The following ATP13A3 variants were observed in gnomAD, a reference collection of about 807,000 sequenced individuals.
The protein encoded by ATP13A3 is polyamine-transporting ATPase 13A3.
ATP13A3 carries 59 observed loss-of-function variants against 158.1 expected under a neutral mutation model. The observed-to-expected ratio is 0.37, with a 90% CI of 0.30 to 0.46. The LOEUF (loss-of-function observed/expected upper bound fraction) is 0.46, where lower values mean the gene tolerates loss of function less well. Among genes scored for constraint, ATP13A3 ranks in the 20% least tolerant of loss-of-function variants. ATP13A3 has a pLI of 1.00. For missense variants in ATP13A3, 1,166 were observed against 1,525.2 expected (o/e 0.76, Z 3.92); for synonymous variants, 491 against 504.3 (o/e 0.97, Z 0.35).
intron 2 of ATP13A3, among the ~76,000 whole-genome samples, chr3:194,476,775 T>C (rs898446873): frequency 2.0e-5 from 3 of 149,148 alleles, no homozygotes; most frequent in African/African-American, 7.8e-5. Flanking sequence ...TGTTTTTTTT[T>C]TTTTTCAAAA....
chr3:194,476,483 A>C (rs1720528787), intron 2 of ATP13A3, among the ~76,000 whole-genome samples: 1 of 152,158 alleles, frequency 6.6e-6, no homozygotes, highest in South Asian at 2.1e-4. Context: ...AGTTGCCTAA[A>C]AAGCCAAGCC....
chr3:194,435,277 T>G lies in ATP13A3; in HGVS notation c.2121-1381A>C, dbSNP rs571717806. On this transcript the variant is annotated intron_variant, in intron 20 of 33. Transcript: ENST00000645319. Reference sequence around the variant, plus strand: ...CAAAGCTGTATCAATGTGAAGACAATGTGTCAAAAGCACTAAGCCGCTTTC... The same window carrying G: ...CAAAGCTGTATCAATGTGAAGACAAGGTGTCAAAAGCACTAAGCCGCTTTC... 1.2e-4 allele frequency among the ~76,000 whole-genome samples: 18 copies of G among 152,310 alleles called. 1 individual carries two copies. The highest frequency in any genetic ancestry group is 1.2e-3 in the Admixed American group (18 of 15,298).
intron 2 of ATP13A3, among the ~76,000 whole-genome samples, chr3:194,475,685 T>C (rs1445265958): frequency 6.6e-6 from 1 of 152,124 alleles, no homozygotes; most frequent in East Asian, 1.9e-4. Context: ...ATGACTGTCC[T>C]GTATGCCACT....
upstream of ATP13A3, among the ~76,000 whole-genome samples, chr3:194,490,460 T>C (rs1721134557): frequency 6.6e-6 from 1 of 152,212 alleles, no homozygotes; most frequent in Non-Finnish European, 1.5e-5. This position sits in a 1 kb window ranked among gnomAD's most constrained non-coding sequence, Gnocchi z 4.4. Flanking sequence ...GATAACATAC[T>C]CTATTTTGGA....
At chr3:194,478,043 C>G (rs1041808474) in intron 2 of ATP13A3, among the ~76,000 whole-genome samples, 26 of 152,310 alleles carry the variant, frequency 1.7e-4, no homozygotes, top group African/African-American at 6.3e-4. Flanking sequence ...CCCCAAACTA[C>G]TGCTTGACTA....
chr3:194,453,044 G>A (rs1374888881), intron 10 of ATP13A3: 2 of 152,100 alleles, frequency 1.3e-5, no homozygotes, highest in Non-Finnish European at 2.9e-5. Flanking sequence ...GAGGCAGAGT[G>A]GCTCAAGCCT....
intron 21 of ATP13A3, among the ~76,000 whole-genome samples, 170 bp downstream of exon 21, chr3:194,433,602 T>C (rs950273118): frequency 4.6e-5 from 7 of 152,214 alleles, no homozygotes; most frequent in Non-Finnish European, 1.0e-4. Context: ...TCAAAAAGAA[T>C]ATGACAAAGT....
At position 194,437,471 on chromosome 3, in the gene ATP13A3, C is replaced by T; in HGVS notation, c.1846-7G>A. 1 of 1,614,056 alleles carries T rather than the reference C, an allele frequency of 6.2e-7. No individual in the cohort carries two copies. The highest frequency in any genetic ancestry group is 8.5e-7 in the Non-Finnish European group (1 of 1,179,998). On this transcript the variant is annotated splice_polypyrimidine_tract_variant and splice_region_variant and intron_variant, in intron 18 of 33. Transcript: ENST00000645319. ...TTCCTATCTCATAAGTAGCCTATAT[C>T]ATTTCAAAAGAGGCACAAAGCACTT...
chr3:194,412,726 T>C (rs1479821471), intron 32 of ATP13A3: 4 of 175,262 alleles, frequency 2.3e-5, no homozygotes, highest in East Asian at 1.5e-4. Flanking sequence ...GATGAACTGA[T>C]ACTGTAGAAA....
chr3:194,449,044 TACAC>T (rs146993933), intron 11 of ATP13A3, among the ~76,000 whole-genome samples: 18,216 of 134,796 alleles, frequency 0.14, 1,362 homozygotes, highest in East Asian at 0.41. Context: ...GATCCACCCC[TACAC>T]ACACACACAC....
At chr3:194,478,167 A>G (rs1720605780) in intron 2 of ATP13A3, among the ~76,000 whole-genome samples, 1 of 152,140 alleles carries the variant, frequency 6.6e-6, no homozygotes, top group African/African-American at 2.4e-5. Context: ...GTTTATTGCC[A>G]ATTTGATTTC....
chr3:194,467,510 G>T (rs551499963), intron 2 of ATP13A3, among the ~76,000 whole-genome samples: 174 of 152,136 alleles, frequency 1.1e-3, no homozygotes, highest in African/African-American at 4.2e-3. Flanking sequence ...TTTTACCAAA[G>T]TGCTAAAAAT....
intron 16 of ATP13A3, 83 bp from the exon 17 acceptor site, chr3:194,439,055 T>A: frequency 1.2e-6 from 1 of 859,022 alleles, no homozygotes; most frequent in Non-Finnish European, 1.8e-6. Context: ...GGTTCCATTT[T>A]TAAATAGAAC....
intron 13 of ATP13A3, 117 bp downstream of exon 13, chr3:194,447,735 A>C (rs1206065458): frequency 1.1e-5 from 10 of 929,208 alleles, no homozygotes; most frequent in Non-Finnish European, 1.5e-5. Context: ...ATTAATTAAA[A>C]TTAAATTAGC....
intron 20 of ATP13A3, among the ~76,000 whole-genome samples, chr3:194,436,494 T>A (rs1028678364): frequency 6.6e-6 from 1 of 152,224 alleles, no homozygotes; most frequent in African/African-American, 2.4e-5. Flanking sequence ...TTACATTTAC[T>A]GTTCTTGGAA....
rs368317852 is a variant in ATP13A3 at position 194,454,239 on chromosome 3, A to G, written c.765+19T>C. On this transcript the variant is annotated intron_variant, in intron 9 of 33. Transcript: ENST00000645319. The stretch of plus-strand genomic sequence containing the variant: ...AAATACAAATACAGTTGTGAAACCC[A>G]TAATAAATTTGAACTTACCTTTCTA... 5 of 1,584,394 alleles carry G rather than the reference A, an allele frequency of 3.2e-6. No homozygotes were observed. The South Asian group carries it at 4.4e-5, about 14-fold the overall frequency.
At chr3:194,406,872 T>A (rs2108690636) in intron 33 of ATP13A3, among the ~76,000 whole-genome samples, 1 of 152,360 alleles carries the variant, frequency 6.6e-6, no homozygotes, top group African/African-American at 2.4e-5. Flanking sequence ...TACTGTTTTA[T>A]AATGATGGTT....
In ATP13A3 at chr3:194,405,377, T is replaced by G. The variant is rs866219239; in HGVS notation, c.*542A>C. 6.5e-6 allele frequency: 1 copy of G among 153,726 alleles called. No individual in the cohort carries two copies. The highest frequency in any genetic ancestry group is 1.4e-5 in the Non-Finnish European group (1 of 69,132). The allele number at this position is 153,726 out of a possible 1,614,324, so 9.5% of individuals were successfully genotyped here. A position where few individuals can be genotyped will look rare whatever the true frequency, so the allele number is the denominator to read the frequency against. ...ACTCATTCCTAACTCTAGACCATCATAGGGAATTGGCATATGTTTATACAG... is the reference window on the plus strand; with the variant it reads ...ACTCATTCCTAACTCTAGACCATCAGAGGGAATTGGCATATGTTTATACAG... On this transcript the variant is annotated 3_prime_UTR_variant, in exon 34 of 34. Transcript: ENST00000645319.
rs900222057 is a variant in ATP13A3, at chr3:194,448,109, G to A, written c.1151-100C>T. On this transcript the variant is annotated intron_variant, in intron 12 of 33. Coordinates refer to ENST00000645319, the MANE Select transcript of ATP13A3 (RefSeq NM_001367549.1). The surrounding 1 kb of genome is among the most constrained non-coding windows in gnomAD (Gnocchi z 4.0). ...TTTTTTTTTTTTGAGACAGAGTCTC[G>A]CTCTGTCACCCAGGCTGGAGTACAG... 1.1e-5 allele frequency: 13 copies of A among 1,156,738 alleles called. No homozygotes were observed. The highest frequency in any genetic ancestry group is 1.4e-5 in the Non-Finnish European group (11 of 799,646). The allele number at this position is 1,156,738 out of a possible 1,614,324, so 71.7% of individuals were successfully genotyped here.
Sources: allele counts gnomAD v4.1 joint callset (sites outside exome capture counted in the v4.1 genomes callset), GRCh38; gene constraint gnomAD v4.1.1; non-coding constraint Gnocchi (gnomAD v3.1); transcripts MANE v1.5; gene names NCBI Gene and HGNC (gene_info 2026-07-23, HGNC 2026-07-21).